The following DIRAS2 variants were observed in gnomAD, a reference collection of about 807,000 sequenced individuals.
DIRAS2 encodes GTP-binding protein Di-Ras2.
A neutral mutation model predicts 13.9 loss-of-function variants in DIRAS2; 5 were observed. That is an observed-to-expected ratio of 0.36 (90% CI 0.19 to 0.76). The LOEUF is 0.76. Among genes scored for constraint, DIRAS2 ranks in the 30% least tolerant of loss-of-function variants. DIRAS2 has a pLI of 0.53. For synonymous variants in DIRAS2, 111 were observed against 105.4 expected (o/e 1.05, Z -0.33); for missense variants, 191 against 263.0 (o/e 0.73, Z 1.89).
intron 1 of DIRAS2, among the ~76,000 whole-genome samples, chr9:90,618,899 C>T (rs934904394): frequency 6.6e-6 from 1 of 152,176 alleles, no homozygotes; most frequent in Non-Finnish European, 1.5e-5. Context: ...AATCCCATCA[C>T]TTGGGAGGCC....
chr9:90,613,658 A>G lies in DIRAS2; in HGVS notation c.170T>C (p.Leu57Ser). ...VISCDKSICT[L>S]QITDTTGSHQ... ...GCTCCCCGTCGTGTCGGTGATCTGCAATGTGCATATGCTCTTGTCACAGCT... is the reference window on the plus strand; with the variant it reads ...GCTCCCCGTCGTGTCGGTGATCTGCGATGTGCATATGCTCTTGTCACAGCT... The change falls in exon 2 of 2, where the codon TTG becomes TCG. Residue 57 changes from leucine to serine, a missense_variant. By Grantham distance (145) the Leu-to-Ser change is moderately radical. Transcript: ENST00000375765. The surrounding 1 kb of genome is among the most constrained non-coding windows in gnomAD (Gnocchi z 5.6). The G allele has an allele frequency of 6.2e-7, 1 of 1,614,072 alleles. No individual in the cohort carries two copies. The highest frequency in any genetic ancestry group is 8.5e-7 in the Non-Finnish European group (1 of 1,180,018).
rs370303823 is a variant in DIRAS2 at position 90,626,848 on chromosome 9, C to A, written c.-36-12985G>T. Among the ~76,000 whole-genome samples, 11 of 152,304 alleles carry A rather than the reference C, an allele frequency of 7.2e-5. No homozygotes were observed. In the East Asian group the frequency reaches 7.7e-4, roughly 11 times the overall value. The stretch of plus-strand genomic sequence containing the variant: ...ACTCACAATAGCCCGAAGGTGGAAG[C>A]AACCCAAATGTCCATAGAAAAGATG... On this transcript the variant is annotated intron_variant, in intron 1 of 1. Coordinates refer to ENST00000375765, the MANE Select transcript of DIRAS2 (RefSeq NM_017594.5).
At position 90,610,623 on chromosome 9, in the gene DIRAS2, A is replaced by G. The variant is rs1825103115; in HGVS notation, c.*2605T>C. ...CATATTTGGGAATGGAAACGTACAA[A>G]TGCTTTAAAAAAATCTAATTCTGTG... On this transcript the variant is annotated 3_prime_UTR_variant, in exon 2 of 2. Coordinates refer to ENST00000375765, the MANE Select transcript of DIRAS2 (RefSeq NM_017594.5). 2.6e-6 allele frequency: 1 copy of G among 388,814 alleles called. No individual in the cohort carries two copies. Among genetic ancestry groups the G allele is most frequent in the South Asian group, 1.4e-4 (1 of 6,960 alleles). The allele number at this position is 388,814 out of a possible 1,614,324, so 24.1% of individuals were successfully genotyped here. A position where few individuals can be genotyped will look rare whatever the true frequency, so the allele number is the denominator to read the frequency against.
chr9:90,626,875 A>G (rs901076192), intron 1 of DIRAS2, among the ~76,000 whole-genome samples: 1 of 152,200 alleles, frequency 6.6e-6, no homozygotes, highest in Non-Finnish European at 1.5e-5. Flanking sequence ...GAAAAGATGA[A>G]TGAATAAACA....
intron 1 of DIRAS2, chr9:90,626,206 AC>A (rs1825267592): frequency 4.6e-5 from 7 of 150,902 alleles, no homozygotes; most frequent in Admixed American, 4.6e-4. Context: ...AAATAGAGAG[AC>A]CCTATGGAAT....
chr9:90,635,116 GT>G (rs1234230301), intron 1 of DIRAS2, among the ~76,000 whole-genome samples: 1 of 152,214 alleles, frequency 6.6e-6, no homozygotes, highest in Non-Finnish European at 1.5e-5. Flanking sequence ...TTGAACTCAA[GT>G]TTAGGTAAGT....
At chr9:90,615,024 C>T (rs1420594058) in intron 1 of DIRAS2, among the ~76,000 whole-genome samples, 2 of 152,108 alleles carry the variant, frequency 1.3e-5, no homozygotes, top group Non-Finnish European at 2.9e-5. Context: ...TGATAAGTAA[C>T]ATGGTAATGT....
chr9:90,617,980 T>C (rs1359085209), intron 1 of DIRAS2, among the ~76,000 whole-genome samples: 2 of 152,180 alleles, frequency 1.3e-5, no homozygotes, highest in East Asian at 1.9e-4. Flanking sequence ...ACTGCTAAGA[T>C]AGCAGTATTT....
chr9:90,623,978 A>T (rs1292762284), intron 1 of DIRAS2, among the ~76,000 whole-genome samples: 1 of 152,244 alleles, frequency 6.6e-6, no homozygotes, highest in African/African-American at 2.4e-5. Flanking sequence ...ATTCTGCCCT[A>T]AATGTTCTAT....
At chr9:90,628,034 GA>G (rs1315046629) in intron 1 of DIRAS2, among the ~76,000 whole-genome samples, 12 of 121,228 alleles carry the variant, frequency 9.9e-5, no homozygotes, top group Middle Eastern at 4.2e-3. Flanking sequence ...TTAAAAAAAA[GA>G]AAAAGAAAAA....
chr9:90,626,267 A>T (rs1419530104), intron 1 of DIRAS2: 8 of 152,138 alleles, frequency 5.3e-5, no homozygotes, highest in African/African-American at 1.9e-4. Context: ...ATATATAAAG[A>T]AACTCTTACA....
chr9:90,633,398 G>T (rs1825344418), intron 1 of DIRAS2, among the ~76,000 whole-genome samples: 2 of 152,188 alleles, frequency 1.3e-5, no homozygotes, highest in Admixed American at 1.3e-4. Flanking sequence ...TTTGCTGAGA[G>T]AATCCTGGAC....
At chr9:90,628,535 AC>A in intron 1 of DIRAS2, among the ~76,000 whole-genome samples, 1 of 150,966 alleles carries the variant, frequency 6.6e-6, no homozygotes. Context: ...ACACACACAC[AC>A]ACACACACAC....
intron 1 of DIRAS2, among the ~76,000 whole-genome samples, chr9:90,642,120 T>A (rs558044905): frequency 1.3e-5 from 2 of 152,376 alleles, no homozygotes; most frequent in South Asian, 4.1e-4. Flanking sequence ...GCACTGCTTT[T>A]CAGGCGAGCC....
chr9:90,633,067 C>T (rs1465993644), intron 1 of DIRAS2, among the ~76,000 whole-genome samples: 1 of 63,560 alleles, frequency 1.6e-5, no homozygotes, highest in East Asian at 4.9e-4. Flanking sequence ...AAGGAGAGTG[C>T]CACCGTGGGT....
intron 1 of DIRAS2, among the ~76,000 whole-genome samples, chr9:90,638,958 G>A (rs1825394982): frequency 6.6e-6 from 1 of 152,126 alleles, no homozygotes. Context: ...TCTGAGCTCT[G>A]ATGATTATCT....
At chr9:90,639,572 C>T (rs1564023691) in intron 1 of DIRAS2, among the ~76,000 whole-genome samples, 1 of 151,498 alleles carries the variant, frequency 6.6e-6, no homozygotes, top group Non-Finnish European at 1.5e-5. Flanking sequence ...AAGGTTGAAG[C>T]AAACCCGGGG....
chr9:90,616,970 T>G (rs1270030095), intron 1 of DIRAS2, among the ~76,000 whole-genome samples: 2 of 152,228 alleles, frequency 1.3e-5, no homozygotes, highest in African/African-American at 4.8e-5. Context: ...TAGTGGGGAA[T>G]CTAGCTCTGC....
chr9:90,638,934 CA>C (rs1327302524), intron 1 of DIRAS2, among the ~76,000 whole-genome samples: 4 of 152,106 alleles, frequency 2.6e-5, no homozygotes, highest in Admixed American at 2.0e-4. Context: ...CTTCCTCCTT[CA>C]AAGGCTCCTT....
Sources: allele counts gnomAD v4.1 joint callset (sites outside exome capture counted in the v4.1 genomes callset), GRCh38; gene constraint gnomAD v4.1.1; non-coding constraint Gnocchi (gnomAD v3.1); transcripts MANE v1.5; gene names NCBI Gene and HGNC (gene_info 2026-07-23, HGNC 2026-07-21).